Variants in DTNB observed in about 807,000 individuals in gnomAD.
DTNB encodes DTN-B.
DTNB carries 63 observed loss-of-function variants against 90.7 expected under a neutral mutation model. That is an observed-to-expected ratio of 0.69 (90% CI 0.57 to 0.86). The LOEUF (loss-of-function observed/expected upper bound fraction) is 0.86. Ranked by LOEUF, DTNB falls within the 40% of genes least tolerant of loss-of-function variation. The pLI is 0.00. For synonymous variants in DTNB, 277 were observed against 286.7 expected, an observed-to-expected ratio of 0.97 and a Z score of 0.34; for missense variants, 744 against 807.1, an observed-to-expected ratio of 0.92 and a Z score of 0.95.
At chr2:25,566,643 T>C (rs1481253861) in intron 8 of DTNB, among the ~76,000 whole-genome samples, 1 of 152,162 alleles carries the variant, frequency 6.6e-6, no homozygotes, top group African/African-American at 2.4e-5. Flanking sequence ...CAATCCCTAA[T>C]AGTCAACAGT....
rs770436846 is a variant in DTNB, at chr2:25,432,977, G to A, written c.1366C>T (p.Arg456Cys). Reference sequence around the variant, plus strand: ...GCCTGCTCGTGTTCCAGGCGGAGACGCTGAATCTCCTGCAGGATCTCTCTA... The same window carrying A: ...GCCTGCTCGTGTTCCAGGCGGAGACACTGAATCTCCTGCAGGATCTCTCTA... ...KNREILQEIQ[R>C]LRLEHEQASQ... The change falls in exon 14 of 21, where the codon CGT becomes TGT. Residue 456 changes from arginine to cysteine, a missense_variant. Arg to Cys is a radical substitution (Grantham distance 180). Transcript: ENST00000406818. 9.3e-6 allele frequency: 15 copies of A among 1,608,812 alleles called. No homozygotes were observed. Among genetic ancestry groups the A allele is most frequent in the East Asian group, 4.5e-5 (2 of 44,854 alleles).
At chr2:25,553,613 G>A (rs748629395) in intron 8 of DTNB, among the ~76,000 whole-genome samples, 21 of 151,776 alleles carry the variant, frequency 1.4e-4, no homozygotes, top group Middle Eastern at 3.4e-3. Context: ...GGTGGCAGGC[G>A]CCTGTAATCC....
chr2:25,468,856 A>C (rs2062265900), intron 10 of DTNB, among the ~76,000 whole-genome samples: 3 of 152,220 alleles, frequency 2.0e-5, no homozygotes, highest in Admixed American at 1.3e-4. Flanking sequence ...CTTATCCTAC[A>C]AATATAAGCT....
chr2:25,669,688 T>C (rs988916136), intron 1 of DTNB, among the ~76,000 whole-genome samples: 2 of 152,186 alleles, frequency 1.3e-5, no homozygotes, highest in Non-Finnish European at 1.5e-5. Flanking sequence ...TGCGCTGTGA[T>C]GTAAGTCCAC....
chr2:25,655,955 A>G (rs2081991482), intron 1 of DTNB, among the ~76,000 whole-genome samples: 1 of 152,144 alleles, frequency 6.6e-6, no homozygotes, highest in African/African-American at 2.4e-5. Flanking sequence ...CTAAGACACA[A>G]GTTTTACATT....
intron 9 of DTNB, among the ~76,000 whole-genome samples, chr2:25,520,175 A>G (rs2075893307): frequency 6.6e-6 from 1 of 152,166 alleles, no homozygotes; most frequent in African/African-American, 2.4e-5. Flanking sequence ...CGAGGTCAGG[A>G]GTTTGAGACC....
At chr2:25,386,663 T>C (rs2039551210) in intron 18 of DTNB, among the ~76,000 whole-genome samples, 1 of 152,094 alleles carries the variant, frequency 6.6e-6, no homozygotes, top group Admixed American at 6.6e-5. Flanking sequence ...TAAGGTGAAA[T>C]GCCACGAGGT....
intron 6 of DTNB, among the ~76,000 whole-genome samples, chr2:25,586,141 T>C (rs1343228577): frequency 6.6e-6 from 1 of 152,224 alleles, no homozygotes; most frequent in Non-Finnish European, 1.5e-5. Context: ...AAATACATTA[T>C]GAAGTTTAAG....
Position 25,383,840 on chromosome 2 carries a change from G to T in DTNB, c.1875C>A (p.Asp625Glu). 1 of 1,614,012 alleles carries T rather than the reference G, an allele frequency of 6.2e-7. No individual in the cohort carries two copies. The highest frequency in any genetic ancestry group is 8.5e-7 in the Non-Finnish European group (1 of 1,179,870). The change falls in exon 19 of 21, where the codon GAC (aspartate) becomes GAA (glutamate). Residue 625 changes from aspartate (D) to glutamate (E), a missense_variant. Physicochemically the swap from Asp to Glu is conservative, Grantham distance 45. Transcript: ENST00000406818. ...GTCCTGCTGAGCTGCCTTTACCTCT[G>T]TCTTTCCCATTCTGCATCTTCTCTT... ...EEEEKMQNGK[D>E]RG
intron 9 of DTNB, among the ~76,000 whole-genome samples, chr2:25,517,442 CA>C (rs913580803): frequency 4.7e-5 from 7 of 149,208 alleles, no homozygotes; most frequent in Admixed American, 2.7e-4. Context: ...AATTACACCT[CA>C]AAAAAAAAGA....
At chr2:25,525,445 T>G (rs1293106860) in intron 9 of DTNB, among the ~76,000 whole-genome samples, 1 of 152,104 alleles carries the variant, frequency 6.6e-6, no homozygotes, top group Non-Finnish European at 1.5e-5. Context: ...AAGACCAGCC[T>G]GGCCAACATT....
intron 1 of DTNB, among the ~76,000 whole-genome samples, chr2:25,664,330 T>A (rs1289294181): frequency 6.6e-6 from 1 of 152,248 alleles, no homozygotes; most frequent in Non-Finnish European, 1.5e-5. Context: ...ACTCTGAAAC[T>A]TCAATCTGCA....
intron 12 of DTNB, among the ~76,000 whole-genome samples, chr2:25,449,182 CT>C (rs2058891184): frequency 6.6e-6 from 1 of 152,080 alleles, no homozygotes; most frequent in African/African-American, 2.4e-5. Flanking sequence ...AATGTTATTC[CT>C]TTTTGTGTTG....
At chr2:25,667,094 T>G (rs2084628507) in intron 1 of DTNB, among the ~76,000 whole-genome samples, 1 of 149,522 alleles carries the variant, frequency 6.7e-6, no homozygotes, top group Middle Eastern at 3.2e-3. Flanking sequence ...CTGAAGCACC[T>G]GAAATATCAC....
At chr2:25,512,247 T>C (rs760424404) in intron 9 of DTNB, among the ~76,000 whole-genome samples, 1 of 152,340 alleles carries the variant, frequency 6.6e-6, no homozygotes, top group Non-Finnish European at 1.5e-5. Context: ...AACTACTCTT[T>C]GGTTGCCTTC....
At chr2:25,411,330 G>T (rs1216747663) in intron 16 of DTNB, among the ~76,000 whole-genome samples, 2 of 150,534 alleles carry the variant, frequency 1.3e-5, no homozygotes, top group African/African-American at 2.5e-5. Context: ...TTGTACTCCA[G>T]ACTAGGCAAG....
intron 4 of DTNB, among the ~76,000 whole-genome samples, chr2:25,619,885 C>CA: frequency 2.0e-5 from 3 of 151,858 alleles, no homozygotes. Context: ...ACTAAAAATA[C>CA]AAAAATTAGC....
In DTNB at chr2:25,542,177, C is replaced by T. The variant is rs149833627; in HGVS notation, c.877-10580G>A. On this transcript the variant is annotated intron_variant, in intron 8 of 20. Coordinates refer to ENST00000406818, the MANE Select transcript of DTNB (RefSeq NM_021907.5). Reference sequence around the variant, plus strand: ...TCACCCAGGCTGGAGTGCAGTGGCGCGATCTTGGCTCGCTGCAACCTCCAC... The same window carrying T: ...TCACCCAGGCTGGAGTGCAGTGGCGTGATCTTGGCTCGCTGCAACCTCCAC... 4.3e-3 allele frequency among the ~76,000 whole-genome samples: 651 copies of T among 152,116 alleles called. 4 individuals carry two copies. Among genetic ancestry groups the T allele is most frequent in the African/African-American group, 0.015 (609 of 41,502 alleles).
At chr2:25,508,543 TA>T (rs1262890950) in intron 9 of DTNB, among the ~76,000 whole-genome samples, 3 of 150,842 alleles carry the variant, frequency 2.0e-5, no homozygotes, top group African/African-American at 7.3e-5. Flanking sequence ...CTTTGTTTTT[TA>T]TTTTTTTGAG....
Sources: gnomAD v4.1 joint callset for allele counts (sites outside exome capture counted in the v4.1 genomes callset) on GRCh38, gnomAD v4.1.1 for gene constraint, MANE v1.5 for transcripts, NCBI Gene and HGNC (gene_info 2026-07-23, HGNC 2026-07-21) for gene names.